The following EIF4EBP2 variants were observed in gnomAD, a reference collection of about 807,000 sequenced individuals.
EIF4EBP2 encodes the protein eukaryotic translation initiation factor 4E-binding protein 2.
EIF4EBP2 carries 5 observed loss-of-function variants against 10.3 expected under a neutral mutation model. The observed-to-expected ratio is 0.48, with a 90% confidence interval of 0.25 to 1.02. The LOEUF (loss-of-function observed/expected upper bound fraction) is 1.02, where lower values mean the gene tolerates loss of function less well. Among genes scored for constraint, EIF4EBP2 ranks in the 50% least tolerant of loss-of-function variants. The probability of loss-of-function intolerance (pLI) is 0.15; values close to 1 mark genes in which losing one functional copy is unlikely to be tolerated. For missense variants in EIF4EBP2, 188 were observed against 162.2 expected (o/e 1.16, Z -0.86); for synonymous variants, 67 against 61.1 (o/e 1.10, Z -0.45).
At chr10:70,416,873 C>T (rs1845101897) in intron 1 of EIF4EBP2, among the ~76,000 whole-genome samples, 2 of 152,004 alleles carry the variant, frequency 1.3e-5, no homozygotes, top group African/African-American at 4.8e-5. Context: ...TGCCATGTTG[C>T]CCAGGCTGGT....
chr10:70,416,872 G>C (rs1845101856), intron 1 of EIF4EBP2, among the ~76,000 whole-genome samples: 1 of 151,828 alleles, frequency 6.6e-6, no homozygotes. Context: ...TTGCCATGTT[G>C]CCCAGGCTGG....
rs533049560 is a variant in EIF4EBP2, at chr10:70,426,073, C to G, written c.*4326C>G. ...GTTAACCCTGCATGCCCATTTCTTCCTGGGCTTCTTGATGGCAATGTGTTC... is the reference window on the plus strand; with the variant it reads ...GTTAACCCTGCATGCCCATTTCTTCGTGGGCTTCTTGATGGCAATGTGTTC... On this transcript the variant is annotated 3_prime_UTR_variant, in exon 3 of 3. Coordinates refer to ENST00000373218, the MANE Select transcript of EIF4EBP2 (RefSeq NM_004096.5). 1 of 152,184 alleles carries G rather than the reference C, an allele frequency of 6.6e-6. No individual in the cohort carries two copies. The highest frequency in any genetic ancestry group is 1.5e-5 in the Non-Finnish European group (1 of 68,042). The allele number at this position is 152,184 out of a possible 1,614,324, so 9.4% of individuals were successfully genotyped here.
At chr10:70,420,463 A>G (rs1845144090) in intron 2 of EIF4EBP2, among the ~76,000 whole-genome samples, 1 of 151,952 alleles carries the variant, frequency 6.6e-6, no homozygotes, top group African/African-American at 2.4e-5. Flanking sequence ...AGCCTCCCAA[A>G]GTGCTAGGAT....
chr10:70,422,624 C>G lies in EIF4EBP2; in HGVS notation c.*877C>G, dbSNP rs1434567844. 4 of 152,108 alleles carry G rather than the reference C, an allele frequency of 2.6e-5. No homozygotes were observed. The highest frequency in any genetic ancestry group is 9.7e-5 in the African/African-American group (4 of 41,416). 9.4% of individuals were successfully genotyped at this position (152,108 alleles called of 1,614,324 possible). On this transcript the variant is annotated 3_prime_UTR_variant, in exon 3 of 3. Coordinates refer to ENST00000373218, the MANE Select transcript of EIF4EBP2 (RefSeq NM_004096.5). Reference sequence around the variant, plus strand: ...GTCTGCTCCTAGAGCAGGTCCATACCAAGTAATAGAGGCACTTTAGCTTCC... The same window carrying G: ...GTCTGCTCCTAGAGCAGGTCCATACGAAGTAATAGAGGCACTTTAGCTTCC...
intron 1 of EIF4EBP2, among the ~76,000 whole-genome samples, chr10:70,411,402 T>G (rs1845042857): frequency 6.6e-6 from 1 of 152,124 alleles, no homozygotes; most frequent in Non-Finnish European, 1.5e-5. Flanking sequence ...TTTTTATTAT[T>G]ATTACATTTT....
rs1441472322 is a variant in EIF4EBP2 at position 70,404,530 on chromosome 10, C to T, written c.129C>T (p.Phe43=). The change falls in exon 1 of 3, where the codon TTC becomes TTT. Residue 43 remains phenylalanine (F), a synonymous_variant. Transcript: ENST00000373218. ...GCACCACGCCCGGGGGGACGCTCTT[C>T]TCCACCACACCGGGAGGTGAGCGCC... ...DYCTTPGGTL[F]STTPGGTRII... The T allele has an allele frequency of 6.3e-7, 1 of 1,584,776 alleles. No homozygotes were observed. The highest frequency in any genetic ancestry group is 1.4e-5 in the African/African-American group (1 of 71,224).
intron 1 of EIF4EBP2, among the ~76,000 whole-genome samples, chr10:70,406,540 C>A (rs916150959): frequency 1.7e-4 from 25 of 150,982 alleles, no homozygotes; most frequent in Admixed American, 7.2e-4. Flanking sequence ...ATATATTAAT[C>A]CCCTGAGGGA....
At chr10:70,411,443 A>T (rs1468930790) in intron 1 of EIF4EBP2, among the ~76,000 whole-genome samples, 1 of 152,054 alleles carries the variant, frequency 6.6e-6, no homozygotes. Flanking sequence ...CAAAGTTGTA[A>T]AAGTCATATA....
In EIF4EBP2 at chr10:70,404,392, GC is replaced by G; in HGVS notation, c.-7del. On this transcript the variant is annotated 5_prime_UTR_variant, in exon 1 of 3. Transcript: ENST00000373218. ...CCGCCGGACAAAGCCGAGAGCCCGC[GC>G]CCACAGCCATGTCCTCGTCAGCCGG... 1 of 1,561,194 alleles carries G rather than the reference GC, an allele frequency of 6.4e-7. No individual in the cohort carries two copies. Among genetic ancestry groups the G allele is most frequent in the East Asian group, 2.5e-5 (1 of 39,658 alleles).
chr10:70,426,973 G>A lies in EIF4EBP2; in HGVS notation c.*5226G>A, dbSNP rs943819885. On this transcript the variant is annotated 3_prime_UTR_variant, in exon 3 of 3. Coordinates refer to ENST00000373218, the MANE Select transcript of EIF4EBP2 (RefSeq NM_004096.5). The stretch of plus-strand genomic sequence containing the variant: ...ACTGCTTCGAATCAAGGCAACTGGT[G>A]AAGGGCTTAGCATGTTGGCAGCAAT... 2.0e-5 allele frequency: 3 copies of A among 152,278 alleles called. No homozygotes were observed. The highest frequency in any genetic ancestry group is 7.2e-5 in the African/African-American group (3 of 41,438). The allele number at this position is 152,278 out of a possible 1,614,324, so 9.4% of individuals were successfully genotyped here.
chr10:70,419,262 CTG>C (rs1461947470), intron 1 of EIF4EBP2, among the ~76,000 whole-genome samples: 1 of 152,082 alleles, frequency 6.6e-6, no homozygotes, highest in Non-Finnish European at 1.5e-5. Context: ...GTTTCCATAA[CTG>C]TTTATCAGTT....
intron 1 of EIF4EBP2, among the ~76,000 whole-genome samples, chr10:70,405,597 G>T (rs1589144728): frequency 6.6e-6 from 1 of 152,170 alleles, no homozygotes; most frequent in African/African-American, 2.4e-5. Flanking sequence ...TAGAGGGTGG[G>T]GACTTCGCAG....
chr10:70,412,700 A>G (rs1269567852), intron 1 of EIF4EBP2, among the ~76,000 whole-genome samples: 2 of 152,162 alleles, frequency 1.3e-5, no homozygotes, highest in African/African-American at 2.4e-5. Flanking sequence ...AAAGGTAGAT[A>G]GGGTTTTTCC....
At chr10:70,412,600 A>G (rs1305542944) in intron 1 of EIF4EBP2, among the ~76,000 whole-genome samples, 3 of 152,186 alleles carry the variant, frequency 2.0e-5, no homozygotes, top group African/African-American at 7.2e-5. Flanking sequence ...TTGTTTCTAT[A>G]CTAGCCATCT....
rs892760596 is a variant in EIF4EBP2 at position 70,425,649 on chromosome 10, A to T, written c.*3902A>T. On this transcript the variant is annotated 3_prime_UTR_variant, in exon 3 of 3. Transcript: ENST00000373218. Reference sequence around the variant, plus strand: ...AATATGCCTGACTACCAACAGCTCAAGTATGCTTATTTGCACATCCTAGAC... The same window carrying T: ...AATATGCCTGACTACCAACAGCTCATGTATGCTTATTTGCACATCCTAGAC... 1 of 152,216 alleles carries T rather than the reference A, an allele frequency of 6.6e-6. No individual in the cohort carries two copies. Among genetic ancestry groups the T allele is most frequent in the Non-Finnish European group, 1.5e-5 (1 of 68,034 alleles). The allele number at this position is 152,216 out of a possible 1,614,324, so 9.4% of individuals were successfully genotyped here.
Position 70,422,295 on chromosome 10 carries a change from CT to C in EIF4EBP2, c.*552del. On this transcript the variant is annotated 3_prime_UTR_variant, in exon 3 of 3. Transcript: ENST00000373218. ...AATGATAAAAAGAGAGCTGCTTTCC[CT>C]TTTACCTTGAGGTATTCGTCCCTCG... 1 of 152,936 alleles carries C rather than the reference CT, an allele frequency of 6.5e-6. No homozygotes were observed. Among genetic ancestry groups the C allele is most frequent in the Non-Finnish European group, 1.5e-5 (1 of 68,440 alleles). The allele number at this position is 152,936 out of a possible 1,614,324, so 9.5% of individuals were successfully genotyped here. A position where few individuals can be genotyped will look rare whatever the true frequency, so the allele number is the denominator to read the frequency against.
intron 1 of EIF4EBP2, among the ~76,000 whole-genome samples, chr10:70,413,445 A>G (rs928116088): frequency 6.6e-6 from 1 of 151,850 alleles, no homozygotes; most frequent in Non-Finnish European, 1.5e-5. Flanking sequence ...GGGCAACGTA[A>G]TGAGACCCCA....
In EIF4EBP2 at chr10:70,427,517, C is replaced by T. The variant is rs1235802569; in HGVS notation, c.*5770C>T. 1 of 152,128 alleles carries T rather than the reference C, an allele frequency of 6.6e-6. No individual in the cohort carries two copies. Among genetic ancestry groups the T allele is most frequent in the Admixed American group, 6.5e-5 (1 of 15,280 alleles). 9.4% of individuals were successfully genotyped at this position (152,128 alleles called of 1,614,324 possible). A position where few individuals can be genotyped will look rare whatever the true frequency, so the allele number is the denominator to read the frequency against. On this transcript the variant is annotated 3_prime_UTR_variant, in exon 3 of 3. Transcript: ENST00000373218. Reference sequence around the variant, plus strand: ...ATTGATACTTGTTTTTTCAGTCAGTCACTTACATCACCTAGCCTACTCTCT... The same window carrying T: ...ATTGATACTTGTTTTTTCAGTCAGTTACTTACATCACCTAGCCTACTCTCT...
At chr10:70,420,762 C>T (rs1845148051) in intron 2 of EIF4EBP2, among the ~76,000 whole-genome samples, 2 of 152,144 alleles carry the variant, frequency 1.3e-5, no homozygotes, top group South Asian at 2.1e-4. Flanking sequence ...CCCCCATTTC[C>T]ATCACCCTCA....
Sources: allele counts gnomAD v4.1 joint callset (sites outside exome capture counted in the v4.1 genomes callset), GRCh38; gene constraint gnomAD v4.1.1; transcripts MANE v1.5; gene names NCBI Gene and HGNC (gene_info 2026-07-23, HGNC 2026-07-21).